LARGE1: variants seen among roughly 807,000 people sequenced by gnomAD.
The protein encoded by LARGE1 is LARGE xylosyl- and glucuronyltransferase 1, also known as xylosyl- and glucuronyltransferase LARGE1.
A neutral mutation model predicts 87.6 loss-of-function variants in LARGE1; 43 were observed. The observed-to-expected ratio is 0.49, with a 90% CI of 0.38 to 0.63. LARGE1 has a LOEUF of 0.63. Ranked by LOEUF, LARGE1 falls within the 30% of genes least tolerant of loss-of-function variation. The pLI is 0.00. For synonymous variants in LARGE1, 434 were observed against 394.6 expected (o/e 1.10, Z -1.18); for missense variants, 802 against 1,000.2 (o/e 0.80, Z 2.67).
rs536511583 is a variant in LARGE1, at chr22:33,602,297, G to GT, written c.615+2137dup. On this transcript the variant is annotated intron_variant, in intron 5 of 14. Coordinates refer to ENST00000397394, the MANE Select transcript of LARGE1 (RefSeq NM_133642.5). Reference sequence around the variant, plus strand: ...TTTGTATTTTCTTTTTCTTTTTTCCGTTTTTTTTTCTTTTTTGAGGAAAAA... The same window carrying GT: ...TTTGTATTTTCTTTTTCTTTTTTCCGTTTTTTTTTTCTTTTTTGAGGAAAAA... Among the ~76,000 whole-genome samples the GT allele has an allele frequency of 1.1e-3, 165 of 149,012 alleles. 2 individuals are homozygous for GT. In the South Asian group the frequency reaches 0.013, roughly 12 times the overall value.
intron 10 of LARGE1, among the ~76,000 whole-genome samples, chr22:33,320,064 A>C (rs978832891): frequency 1.3e-5 from 2 of 152,226 alleles, no homozygotes; most frequent in African/African-American, 4.8e-5. Context: ...CACCATGCCA[A>C]CAGTTTAATA....
chr22:33,916,960 A>G (rs999800174), intron 1 of LARGE1, among the ~76,000 whole-genome samples: 2 of 152,224 alleles, frequency 1.3e-5, no homozygotes, highest in Admixed American at 1.3e-4. Flanking sequence ...TGTTAGAAAT[A>G]AAGCTGTCTG....
intron 2 of LARGE1, among the ~76,000 whole-genome samples, chr22:33,661,786 TGA>T (rs1285484280): frequency 6.6e-6 from 1 of 152,092 alleles, no homozygotes; most frequent in African/African-American, 2.4e-5. Context: ...CCGTACATCA[TGA>T]GTGTGTCTTT....
chr22:33,273,730 G>A lies in LARGE1; in HGVS notation c.*697C>T. 1 of 398,420 alleles carries A rather than the reference G, an allele frequency of 2.5e-6. No individual in the cohort carries two copies. Among genetic ancestry groups the A allele is most frequent in the Non-Finnish European group, 4.4e-6 (1 of 226,608 alleles). 24.7% of individuals were successfully genotyped at this position (398,420 alleles called of 1,614,324 possible). A position where few individuals can be genotyped will look rare whatever the true frequency, so the allele number is the denominator to read the frequency against. ...TGATAGAGGGTGGTTGGTAGAGGCAGCTGATTTTCCTTTAGAGCCTCAAAG... is the reference window on the plus strand; with the variant it reads ...TGATAGAGGGTGGTTGGTAGAGGCAACTGATTTTCCTTTAGAGCCTCAAAG... On this transcript the variant is annotated 3_prime_UTR_variant, in exon 15 of 15. Transcript: ENST00000397394.
At chr22:33,315,388 T>C (rs1407839279) in intron 11 of LARGE1, among the ~76,000 whole-genome samples, 3 of 152,158 alleles carry the variant, frequency 2.0e-5, no homozygotes, top group Non-Finnish European at 4.4e-5. Flanking sequence ...TGCCTGGAAA[T>C]GCTTGATGGA....
At chr22:33,859,190 T>A (rs2063842380) in intron 1 of LARGE1, among the ~76,000 whole-genome samples, 1 of 151,866 alleles carries the variant, frequency 6.6e-6, no homozygotes, top group Non-Finnish European at 1.5e-5. Context: ...AAAGTATAAT[T>A]AAAAAAAATA....
chr22:33,830,408 G>A (rs59387471), intron 1 of LARGE1, among the ~76,000 whole-genome samples: 3,221 of 152,178 alleles, frequency 0.021, 111 homozygotes, highest in African/African-American at 0.075. Flanking sequence ...GAATTGTCAG[G>A]GACACATTTC....
intron 6 of LARGE1, among the ~76,000 whole-genome samples, chr22:33,541,755 A>G (rs571345550): frequency 1.1e-3 from 174 of 151,986 alleles, no homozygotes; most frequent in Middle Eastern, 3.4e-3. Flanking sequence ...ATTAAAAAAA[A>G]AAAAAAAAGG....
At chr22:33,870,177 G>C (rs928925168) in intron 1 of LARGE1, among the ~76,000 whole-genome samples, 3 of 152,188 alleles carry the variant, frequency 2.0e-5, no homozygotes, top group Non-Finnish European at 4.4e-5. Flanking sequence ...GAGCTCCAGT[G>C]ATGACAGGGG....
intron 6 of LARGE1, among the ~76,000 whole-genome samples, chr22:33,441,947 G>A (rs2067495571): frequency 6.6e-6 from 1 of 152,128 alleles, no homozygotes; most frequent in Non-Finnish European, 1.5e-5. Flanking sequence ...TCTTGATGAA[G>A]CACCTCTAAC....
At position 33,519,392 on chromosome 22, in the gene LARGE1, G is replaced by A. The variant is rs1338676803; in HGVS notation, c.787+45456C>T. Among the ~76,000 whole-genome samples the A allele has an allele frequency of 2.0e-5, 3 of 152,086 alleles. No homozygotes were observed. The East Asian group carries it at 5.8e-4, about 29-fold the overall frequency. On this transcript the variant is annotated intron_variant, in intron 6 of 14. Transcript: ENST00000397394. The stretch of plus-strand genomic sequence containing the variant: ...TTTAAAAGCTCCACTCTGCCACGGG[G>A]ATATCTAAATTATACTTACAGAAAC...
At chr22:33,871,486 G>C (rs1476906803) in intron 1 of LARGE1, among the ~76,000 whole-genome samples, 1 of 152,166 alleles carries the variant, frequency 6.6e-6, no homozygotes. Context: ...GTAAGTACCA[G>C]GACTAAAGTC....
intron 4 of LARGE1, among the ~76,000 whole-genome samples, chr22:33,617,152 G>T (rs1019399185): frequency 1.3e-5 from 2 of 152,174 alleles, no homozygotes; most frequent in African/African-American, 4.8e-5. Context: ...TGACCGGGAG[G>T]TAAGTCCAAT....
chr22:33,371,774 G>A (rs2064816580), intron 9 of LARGE1, among the ~76,000 whole-genome samples: 1 of 152,126 alleles, frequency 6.6e-6, no homozygotes, highest in Non-Finnish European at 1.5e-5. Context: ...CATGAGGTCA[G>A]GAGATCGAGA....
rs536975115 is a variant in LARGE1, at chr22:33,590,566, C to T, written c.615+13869G>A. ...CCTGGTGTCCCTTGCTAGGCAGTCC[C>T]ACCACACCACCCTCTGGCTCCTATT... On this transcript the variant is annotated intron_variant, in intron 5 of 14. Transcript: ENST00000397394. 6.2e-4 allele frequency among the ~76,000 whole-genome samples: 95 copies of T among 152,320 alleles called. 1 individual carries two copies. Among genetic ancestry groups the T allele is most frequent in the African/African-American group, 2.1e-3 (87 of 41,566 alleles).
intron 9 of LARGE1, among the ~76,000 whole-genome samples, chr22:33,377,927 A>G (rs925542402): frequency 1.3e-5 from 2 of 152,222 alleles, no homozygotes; most frequent in Admixed American, 6.5e-5. Context: ...ATTTTTTGAG[A>G]ATCTACTATT....
chr22:33,514,683 C>T (rs558721497), intron 6 of LARGE1, among the ~76,000 whole-genome samples: 8 of 152,180 alleles, frequency 5.3e-5, no homozygotes, highest in African/African-American at 9.6e-5. Flanking sequence ...CAGGCCCCTA[C>T]GGATATGAAG....
chr22:33,698,258 G>C (rs2082310338), intron 2 of LARGE1, among the ~76,000 whole-genome samples: 1 of 145,320 alleles, frequency 6.9e-6, no homozygotes, highest in Admixed American at 7.0e-5. Flanking sequence ...TTTTTTTGTA[G>C]AGATGGGATT....
At chr22:33,562,609 T>G (rs1329819411) in intron 6 of LARGE1, among the ~76,000 whole-genome samples, 1 of 152,234 alleles carries the variant, frequency 6.6e-6, no homozygotes, top group Non-Finnish European at 1.5e-5. Context: ...CTGAGAGTCC[T>G]CCAAATCAAG....
Sources: gnomAD v4.1 joint callset for allele counts (sites outside exome capture counted in the v4.1 genomes callset) on GRCh38, gnomAD v4.1.1 for gene constraint, MANE v1.5 for transcripts, NCBI Gene and HGNC (gene_info 2026-07-23, HGNC 2026-07-21) for gene names.